Variants in LPAR4 observed in about 807,000 individuals in gnomAD.
LPAR4 encodes G-protein coupled receptor 23.
LPAR4 carries 14 observed loss-of-function variants against 9.2 expected under a neutral mutation model. The ratio of observed to expected loss-of-function variants is 1.51; its 90% CI spans 1.00 to 2.37. LPAR4 has a LOEUF of 2.37. Ranked by LOEUF, LPAR4 falls within the 30% of genes most tolerant of loss-of-function variation. The pLI is 0.00. For missense variants in LPAR4, 251 were observed against 272.1 expected (o/e 0.92, Z 0.55); for synonymous variants, 131 against 97.9 (o/e 1.34, Z -1.99).
At chrX:78,752,634 G>C (rs1028754011) in intron 4 of LPAR4, among the ~76,000 whole-genome samples, 1 of 111,538 alleles carries the variant, frequency 9.0e-6, no homozygotes, top group South Asian at 3.8e-4. Flanking sequence ...CCTGGCCTGC[G>C]CTTATTAAAA....
At chrX:78,749,403 C>G (rs1286011177) in intron 1 of LPAR4, among the ~76,000 whole-genome samples, 10 of 111,728 alleles carry the variant, frequency 9.0e-5, no homozygotes, top group African/African-American at 3.3e-4. Flanking sequence ...GGGAATCCAC[C>G]TTTACTTTAA....
rs5959186 is a variant in LPAR4 at position 78,751,150 on chromosome X, T to G, written c.-181-60T>G. ...GATCATTTTATTGAAAATATACATTTTATTGAAAAGCTATCAGCTCTCTTT... is the reference window on the plus strand; with the variant it reads ...GATCATTTTATTGAAAATATACATTGTATTGAAAAGCTATCAGCTCTCTTT... On this transcript the variant is annotated intron_variant, in intron 3 of 4. Transcript: ENST00000614823. 181 of 111,633 alleles carry G rather than the reference T, an allele frequency of 1.6e-3. 2 individuals are homozygous for G. Among genetic ancestry groups the G allele is most frequent in the African/African-American group, 5.6e-3 (171 of 30,805 alleles). The allele number at this position is 111,633 out of a possible 1,213,427, so 9.2% of individuals were successfully genotyped here.
In LPAR4 at chrX:78,757,817, A is replaced by G. The variant is rs772715576; in HGVS notation, c.*1835A>G. On this transcript the variant is annotated 3_prime_UTR_variant, in exon 5 of 5. Coordinates refer to ENST00000614823, the MANE Select transcript of LPAR4 (RefSeq NM_001278000.3). ...ATAACATGGCAATTTAAAAATGCTAAGAATTTTAAAACAAAACTTCCAGGA... is the reference window on the plus strand; with the variant it reads ...ATAACATGGCAATTTAAAAATGCTAGGAATTTTAAAACAAAACTTCCAGGA... 1.3e-4 allele frequency among the ~76,000 whole-genome samples: 15 copies of G among 112,361 alleles called. No homozygotes were observed. Among genetic ancestry groups the G allele is most frequent in the African/African-American group, 4.8e-4 (15 of 31,039 alleles).
At position 78,754,837 on chromosome X, in the gene LPAR4, C is replaced by T. The variant is rs1370025014; in HGVS notation, c.-33C>T. On this transcript the variant is annotated 5_prime_UTR_variant, in exon 5 of 5. Coordinates refer to ENST00000614823, the MANE Select transcript of LPAR4 (RefSeq NM_001278000.3). ...TCCATAGTGTCAGAGTGGTGAACCCCTGCAGCCAGCAGGCCTCCTGAAAAA... is the reference window on the plus strand; with the variant it reads ...TCCATAGTGTCAGAGTGGTGAACCCTTGCAGCCAGCAGGCCTCCTGAAAAA... The T allele has an allele frequency of 8.6e-7, 1 of 1,156,519 alleles. No individual in the cohort carries two copies. The highest frequency in any genetic ancestry group is 2.1e-5 in the South Asian group (1 of 48,367).
At position 78,757,465 on chromosome X, in the gene LPAR4, C is replaced by T. The variant is rs188865011; in HGVS notation, c.*1483C>T. On this transcript the variant is annotated 3_prime_UTR_variant, in exon 5 of 5. Coordinates refer to ENST00000614823, the MANE Select transcript of LPAR4 (RefSeq NM_001278000.3). Reference sequence around the variant, plus strand: ...CAACTAAGAAGCTGCTAAAATGGCACCCAGTTTAAAAGGAATTAAAAACAG... The same window carrying T: ...CAACTAAGAAGCTGCTAAAATGGCATCCAGTTTAAAAGGAATTAAAAACAG... 9.0e-6 allele frequency among the ~76,000 whole-genome samples: 1 copy of T among 111,311 alleles called. No homozygotes were observed. The highest frequency in any genetic ancestry group is 1.9e-5 in the Non-Finnish European group (1 of 52,888).
At chrX:78,748,427 T>A (rs1344100705) in intron 1 of LPAR4, among the ~76,000 whole-genome samples, 1 of 112,209 alleles carries the variant, frequency 8.9e-6, no homozygotes, top group Admixed American at 9.4e-5. Context: ...ATACATGACA[T>A]GTCTTTGATG....
intron 4 of LPAR4, among the ~76,000 whole-genome samples, chrX:78,752,109 G>T (rs778790905): frequency 1.8e-5 from 2 of 111,330 alleles, no homozygotes; most frequent in Admixed American, 1.9e-4. Flanking sequence ...GAGAGACAAA[G>T]CAGCCTTAAT....
intron 3 of LPAR4, among the ~76,000 whole-genome samples, 153 bp downstream of exon 3, chrX:78,750,945 G>A (rs1925039237): frequency 1.8e-5 from 2 of 110,853 alleles, no homozygotes; most frequent in Non-Finnish European, 3.8e-5. Flanking sequence ...ATGCACTAGT[G>A]TTTAGTCAAT....
rs1420072240 is a variant in LPAR4, at chrX:78,755,964, G to A, written c.1095G>A (p.Met365Ile). 2 of 1,202,602 alleles carry A rather than the reference G, an allele frequency of 1.7e-6. No homozygotes were observed. Among genetic ancestry groups the A allele is most frequent in the East Asian group, 5.9e-5 (2 of 33,698 alleles). Residue 365 changes from methionine to isoleucine, a missense_variant, in exon 5 of 5, where the codon ATG (methionine) becomes ATA (isoleucine). Physicochemically the swap from Met to Ile is conservative, Grantham distance 10. Coordinates refer to ENST00000614823, the MANE Select transcript of LPAR4 (RefSeq NM_001278000.3). ...CAACAAATAATGGTGGTGAATTAAT[G>A]CTAGAATCCACCTTTTAGGTATGAG... ...DQTTNNGGEL[M>I]LESTF
rs1925360577 is a variant in LPAR4 at position 78,757,599 on chromosome X, T to G, written c.*1617T>G. On this transcript the variant is annotated 3_prime_UTR_variant, in exon 5 of 5. Coordinates refer to ENST00000614823, the MANE Select transcript of LPAR4 (RefSeq NM_001278000.3). ...AAACTAAAGTGGATATTTAAGAATA[T>G]TAGAACTTGTAAATATAACTTCTGA... 8.9e-6 allele frequency among the ~76,000 whole-genome samples: 1 copy of G among 111,900 alleles called. No homozygotes were observed. Among genetic ancestry groups the G allele is most frequent in the Admixed American group, 9.5e-5 (1 of 10,512 alleles).
Position 78,747,849 on chromosome X carries a change from C to T in LPAR4, c.-480C>T, listed in dbSNP as rs1924899057. ...ATGAGCGGTTTGCAGTAAAAAGCTG[C>T]GGCAGCCCAGAGTCTGCTACTTTAG... On this transcript the variant is annotated 5_prime_UTR_variant, in exon 1 of 5. Transcript: ENST00000614823. 1.1e-5 allele frequency: 1 copy of T among 92,152 alleles called. No individual in the cohort carries two copies. The highest frequency in any genetic ancestry group is 4.3e-5 in the African/African-American group (1 of 23,511). 7.6% of individuals were successfully genotyped at this position (92,152 alleles called of 1,213,427 possible).
Position 78,755,525 on chromosome X carries a change from T to C in LPAR4, c.656T>C (p.Leu219Ser), listed in dbSNP as rs1463443215. 2 of 1,204,787 alleles carry C rather than the reference T, an allele frequency of 1.7e-6. No homozygotes were observed. The highest frequency in any genetic ancestry group is 2.2e-5 in the Admixed American group (1 of 45,637). The change falls in exon 5 of 5, where the codon TTG becomes TCG. Residue 219 changes from leucine (L) to serine (S), a missense_variant. Transcript: ENST00000614823. ...GTTGGGTTTATCATTCCTCTAATAT[T>C]GAATGTCTCTTGCTCTTCTGTGGTG... The part of the protein sequence containing the change: ...EVVGFIIPLI[L>S]NVSCSSVVLR...
intron 3 of LPAR4, among the ~76,000 whole-genome samples, 174 bp from the exon 4 acceptor site, chrX:78,751,036 G>A (rs1308631256): frequency 9.0e-6 from 1 of 111,697 alleles, no homozygotes; most frequent in South Asian, 3.7e-4. Flanking sequence ...GAAATCCAAT[G>A]CATGTAAATA....
chrX:78,753,239 T>TCCTTTGCC (rs1925147347), intron 4 of LPAR4, among the ~76,000 whole-genome samples: 1 of 112,181 alleles, frequency 8.9e-6, no homozygotes, highest in Admixed American at 9.4e-5. Flanking sequence ...CAAGTGTTGG[T>TCCTTTGCC]CCTTTGCCTC....
Position 78,757,391 on chromosome X carries a change from G to A in LPAR4, c.*1409G>A, listed in dbSNP as rs920024223. Among the ~76,000 whole-genome samples the A allele has an allele frequency of 9.0e-6, 1 of 111,477 alleles. No individual in the cohort carries two copies. Among genetic ancestry groups the A allele is most frequent in the Non-Finnish European group, 1.9e-5 (1 of 52,957 alleles). On this transcript the variant is annotated 3_prime_UTR_variant, in exon 5 of 5. Coordinates refer to ENST00000614823, the MANE Select transcript of LPAR4 (RefSeq NM_001278000.3). ...GAACTTGCATTTTCTGAGCATCTGC[G>A]AAACTTACAAAACACTATAACATTC... is the stretch of plus-strand genomic sequence containing the variant.
intron 3 of LPAR4, among the ~76,000 whole-genome samples, 176 bp from the exon 4 acceptor site, chrX:78,751,034 A>G (rs1348733998): frequency 1.8e-5 from 2 of 111,869 alleles, no homozygotes; most frequent in Non-Finnish European, 3.8e-5. Context: ...ATGAAATCCA[A>G]TGCATGTAAA....
Position 78,754,857 on chromosome X carries a change from G to A in LPAR4, c.-13G>A, listed in dbSNP as rs1925213386. 8.5e-7 allele frequency: 1 copy of A among 1,172,624 alleles called. No individual in the cohort carries two copies. ...AACCCCTGCAGCCAGCAGGCCTCCTGAAAAAAAAGTCCATGGGTGACAGAA... is the reference window on the plus strand; with the variant it reads ...AACCCCTGCAGCCAGCAGGCCTCCTAAAAAAAAAGTCCATGGGTGACAGAA... On this transcript the variant is annotated 5_prime_UTR_variant, in exon 5 of 5. Transcript: ENST00000614823.
At position 78,754,920 on chromosome X, in the gene LPAR4, C is replaced by T. The variant is rs771022826; in HGVS notation, c.51C>T (p.Ser17=). The T allele has an allele frequency of 5.8e-5, 70 of 1,202,824 alleles. No homozygotes were observed. The highest frequency in any genetic ancestry group is 7.6e-5 in the Non-Finnish European group (68 of 891,777). The part of the protein sequence containing the change: ...IDFQFQDSNS[S]LRPRLGNATA... The stretch of plus-strand genomic sequence containing the variant: ...TCCAATTCCAAGATTCAAATTCAAG[C>T]CTCAGACCCAGGTTGGGCAATGCTA... The change falls in exon 5 of 5, where the codon AGC becomes AGT. Residue 17 remains serine, a synonymous_variant. Coordinates refer to ENST00000614823, the MANE Select transcript of LPAR4 (RefSeq NM_001278000.3).
intron 1 of LPAR4, chrX:78,749,338 GT>G (rs2147496443): frequency 8.9e-6 from 1 of 111,809 alleles, no homozygotes; most frequent in Admixed American, 9.5e-5. Flanking sequence ...CCTGTAATGT[GT>G]TTGCGAATAT....
Sources: allele counts gnomAD v4.1 joint callset (sites outside exome capture counted in the v4.1 genomes callset), GRCh38; gene constraint gnomAD v4.1.1; transcripts MANE v1.5; gene names NCBI Gene and HGNC (gene_info 2026-07-23, HGNC 2026-07-21).